Variants in EML5 observed in about 807,000 individuals in gnomAD.
EML5 encodes the protein echinoderm microtubule-associated protein-like 5.
EML5 carries 120 observed loss-of-function variants against 250.0 expected under a neutral mutation model. The ratio of observed to expected loss-of-function variants is 0.48; its 90% CI spans 0.41 to 0.56. EML5 has a LOEUF of 0.56. Among genes scored for constraint, EML5 ranks in the 20% least tolerant of loss-of-function variants. The pLI is 0.00. For synonymous variants in EML5, 771 were observed against 806.5 expected (o/e 0.96, Z 0.75); for missense variants, 2,006 against 2,437.6 (o/e 0.82, Z 3.73).
At chr14:88,639,439 C>T (rs1235971280) in intron 31 of EML5, among the ~76,000 whole-genome samples, 7 of 152,134 alleles carry the variant, frequency 4.6e-5, no homozygotes, top group Admixed American at 1.3e-4. Flanking sequence ...TGTCAGCCCA[C>T]GATCCTTCTG....
At chr14:88,695,298 A>C (rs1446087578) in intron 16 of EML5, 63 bp downstream of exon 16, 1 of 1,371,528 alleles carries the variant, frequency 7.3e-7, no homozygotes, top group Non-Finnish European at 9.9e-7. Flanking sequence ...TTTAATTAAA[A>C]ATTTTTTTAA....
chr14:88,701,608 A>G (rs2093211134), intron 14 of EML5, among the ~76,000 whole-genome samples: 2 of 152,156 alleles, frequency 1.3e-5, no homozygotes, highest in South Asian at 4.1e-4. Context: ...GAATGGGAGA[A>G]AGAAAAAAGG....
intron 2 of EML5, among the ~76,000 whole-genome samples, chr14:88,749,645 ACAGCAGAATATACTTTTT>A (rs913685127): frequency 1.7e-4 from 26 of 152,296 alleles, no homozygotes; most frequent in African/African-American, 6.3e-4. Context: ...AAGAAAGGAA[ACAGCAGAATATACTTTTT>A]CATATTCTTT....
rs187703925 is a variant in EML5, at chr14:88,622,062, C to T, written c.5013+542G>A. ...CCCCCTTGTCCGCCTCCAGTAACCA[C>T]TATTCTACTCTCCACCTCTGTGGGA... is the stretch of plus-strand genomic sequence containing the variant. On this transcript the variant is annotated intron_variant, in intron 37 of 43. Transcript: ENST00000554922. 1,023 of 305,424 alleles carry T rather than the reference C, an allele frequency of 3.3e-3. 9 individuals carry two copies. Among genetic ancestry groups the T allele is most frequent in the South Asian group, 4.2e-3 (151 of 35,610 alleles). 18.9% of individuals were successfully genotyped at this position (305,424 alleles called of 1,614,324 possible).
At chr14:88,692,326 G>A (rs1255183989) in intron 17 of EML5, among the ~76,000 whole-genome samples, 5 of 152,076 alleles carry the variant, frequency 3.3e-5, no homozygotes, top group African/African-American at 1.2e-4. Flanking sequence ...GTAGTGAGCC[G>A]AGATCACAAC....
At chr14:88,753,570 C>T (rs1426735039) in intron 2 of EML5, among the ~76,000 whole-genome samples, 2 of 152,114 alleles carry the variant, frequency 1.3e-5, no homozygotes. Context: ...AAATGAACAA[C>T]CTGCAAGATC....
chr14:88,763,070 T>C (rs539011874), intron 1 of EML5, among the ~76,000 whole-genome samples: 13 of 152,112 alleles, frequency 8.5e-5, no homozygotes, highest in South Asian at 2.1e-4. Flanking sequence ...AGATCTAAAA[T>C]CGACACCCTA....
At position 88,663,106 on chromosome 14, in the gene EML5, C is replaced by G; in HGVS notation, c.3423G>C (p.Gln1141His). 1 of 1,539,730 alleles carries G rather than the reference C, an allele frequency of 6.5e-7. No homozygotes were observed. Among genetic ancestry groups the G allele is most frequent in the Admixed American group, 2.0e-5 (1 of 48,858 alleles). The change falls in exon 24 of 44, where the codon CAG becomes CAC. Residue 1141 changes from glutamine to histidine, a missense_variant. This residue lies in a region of EML5 where 1,375 missense variants were observed against 1,590.3 expected (regional missense o/e 0.86). Transcript: ENST00000554922. ...ATTGTTCCTTAGCACCAGTGTTGAC[C>G]TGTAAAAGCTTTCCTTCAAAAAAAT... ...IDWDIRGKLL[Q>H]VNTGAKEQLF...
rs536230701 is a variant in EML5, at chr14:88,680,761, A to C, written c.3124+1129T>G. On this transcript the variant is annotated intron_variant, in intron 21 of 43. Transcript: ENST00000554922. ...CACGGGTTATATTGTTTTTCAAAAA[A>C]AAGTCCTCGATCCAGACATCATGGG... Among the ~76,000 whole-genome samples the C allele has an allele frequency of 3.3e-5, 5 of 152,318 alleles. No individual in the cohort carries two copies. The South Asian group carries it at 1.0e-3, about 32-fold the overall frequency.
intron 24 of EML5, among the ~76,000 whole-genome samples, chr14:88,662,279 TAAAAAA>T (rs1221131855): frequency 1.8e-5 from 1 of 56,180 alleles, no homozygotes; most frequent in Non-Finnish European, 3.0e-5. Context: ...TAGGCCAAGA[TAAAAAA>T]TAAAAAAAAA....
At chr14:88,649,300 T>G (rs2091507695) in intron 28 of EML5, among the ~76,000 whole-genome samples, 1 of 152,186 alleles carries the variant, frequency 6.6e-6, no homozygotes. Context: ...CCTTCCCAAG[T>G]GCTGAGATTA....
Position 88,614,837 on chromosome 14 carries a change from G to C in EML5, c.*981C>G, listed in dbSNP as rs1003589929. The C allele has an allele frequency of 6.6e-6, 1 of 152,162 alleles. No homozygotes were observed. The highest frequency in any genetic ancestry group is 2.4e-5 in the African/African-American group (1 of 41,434). The allele number at this position is 152,162 out of a possible 1,614,324, so 9.4% of individuals were successfully genotyped here. On this transcript the variant is annotated 3_prime_UTR_variant, in exon 44 of 44. Transcript: ENST00000554922. The stretch of plus-strand genomic sequence containing the variant: ...TTCATTTTGGAAATAAACCTATGGA[G>C]TGGCACACATCTAAACAAATTTTCC...
At position 88,665,347 on chromosome 14, in the gene EML5, T is replaced by G; in HGVS notation, c.3267A>C (p.Arg1089=). The G allele has an allele frequency of 6.2e-7, 1 of 1,611,584 alleles. No homozygotes were observed. Among genetic ancestry groups the G allele is most frequent in the African/African-American group, 1.3e-5 (1 of 74,988 alleles). Residue 1089 remains arginine, a synonymous_variant, in exon 22 of 44, where the codon CGA becomes CGC. Coordinates refer to ENST00000554922, the MANE Select transcript of EML5 (RefSeq NM_183387.3). The part of the protein sequence containing the change: ...HHRKDMISDI[R]FSPGSGKYLA... Reference sequence around the variant, plus strand: ...TTCAATGGATCTTACCAGGTGAAAATCGAATATCTGAAATCATATCTTTTC... The same window carrying G: ...TTCAATGGATCTTACCAGGTGAAAAGCGAATATCTGAAATCATATCTTTTC...
At chr14:88,651,746 A>ATTT (rs2091640158) in intron 27 of EML5, among the ~76,000 whole-genome samples, 1 of 151,954 alleles carries the variant, frequency 6.6e-6, no homozygotes, top group Non-Finnish European at 1.5e-5. Context: ...GTATTTATCT[A>ATTT]ATAAATACAT....
At chr14:88,677,955 G>A (rs1021621677) in intron 21 of EML5, among the ~76,000 whole-genome samples, 1 of 152,094 alleles carries the variant, frequency 6.6e-6, no homozygotes, top group Non-Finnish European at 1.5e-5. Flanking sequence ...ATACACAAAG[G>A]AACAGAAATC....
intron 25 of EML5, 130 bp downstream of exon 25, chr14:88,661,524 C>A: frequency 1.2e-6 from 1 of 811,776 alleles, no homozygotes; most frequent in Non-Finnish European, 1.9e-6. Context: ...AAACATAATT[C>A]TGAACCTTTC....
At chr14:88,630,240 G>A (rs900717056) in intron 33 of EML5, among the ~76,000 whole-genome samples, 1 of 151,842 alleles carries the variant, frequency 6.6e-6, no homozygotes, top group Non-Finnish European at 1.5e-5. Flanking sequence ...ATGTTGGTCA[G>A]GCTGGTCTTG....
At chr14:88,652,468 C>G (rs984976753) in intron 27 of EML5, among the ~76,000 whole-genome samples, 2 of 152,164 alleles carry the variant, frequency 1.3e-5, no homozygotes, top group Non-Finnish European at 2.9e-5. Flanking sequence ...GGTGCAAACT[C>G]AAATCCCTCT....
At chr14:88,618,472 T>G in intron 40 of EML5, 141 bp from the exon 41 acceptor site, 1 of 1,086,306 alleles carries the variant, frequency 9.2e-7, no homozygotes, top group Non-Finnish European at 1.3e-6. Flanking sequence ...CTACAAAAAC[T>G]TAATAGGAGA....
Sources: allele counts gnomAD v4.1 joint callset (sites outside exome capture counted in the v4.1 genomes callset), GRCh38; gene constraint gnomAD v4.1.1; regional missense constraint gnomAD v4.1.1; transcripts MANE v1.5; gene names NCBI Gene and HGNC (gene_info 2026-07-23, HGNC 2026-07-21).